Variants in RAD9B observed in about 807,000 individuals in gnomAD.
RAD9B encodes the protein cell cycle checkpoint control protein RAD9B.
A neutral mutation model predicts 48.3 loss-of-function variants in RAD9B; 41 were observed. The ratio of observed to expected loss-of-function variants is 0.85; its 90% CI spans 0.66 to 1.10. RAD9B has a LOEUF of 1.10. Ranked by LOEUF, RAD9B falls within the 50% of genes least tolerant of loss-of-function variation. The probability of loss-of-function intolerance (pLI) is 0.00; values close to 1 mark genes in which losing one functional copy is unlikely to be tolerated. For missense variants in RAD9B, 444 were observed against 485.1 expected (o/e 0.92, Z 0.80); for synonymous variants, 160 against 157.9 (o/e 1.01, Z -0.10).
At chr12:110,528,943 G>C (rs2064033809) in intron 10 of RAD9B, among the ~76,000 whole-genome samples, 1 of 152,108 alleles carries the variant, frequency 6.6e-6, no homozygotes. Flanking sequence ...GCTCAGGCTG[G>C]TCTCGAACTC....
chr12:110,530,917 C>A lies in RAD9B; in HGVS notation c.*264C>A. On this transcript the variant is annotated 3_prime_UTR_variant, in exon 11 of 11. Coordinates refer to ENST00000409300, the MANE Select transcript of RAD9B (RefSeq NM_001286535.2). ...AGGAAAAAAGCCCATTAGAGTTCTT[C>A]AATTCAATGCACGTTCACCCTAGAG... is the stretch of plus-strand genomic sequence containing the variant. The A allele has an allele frequency of 1.7e-6, 2 of 1,184,366 alleles. No homozygotes were observed. The highest frequency in any genetic ancestry group is 2.1e-6 in the Non-Finnish European group (2 of 952,074). The allele number at this position is 1,184,366 out of a possible 1,614,324, so 73.4% of individuals were successfully genotyped here. A position where few individuals can be genotyped will look rare whatever the true frequency, so the allele number is the denominator to read the frequency against.
intron 10 of RAD9B, among the ~76,000 whole-genome samples, chr12:110,525,538 A>G (rs2063910334): frequency 6.6e-6 from 1 of 152,184 alleles, no homozygotes; most frequent in East Asian, 1.9e-4. Context: ...TCAACAGAGT[A>G]ATAATGTTGG....
Position 110,503,802 on chromosome 12 carries a change from A to G in RAD9B, c.47-4A>G, listed in dbSNP as rs769562741. 10 of 1,604,258 alleles carry G rather than the reference A, an allele frequency of 6.2e-6. No individual in the cohort carries two copies. The highest frequency in any genetic ancestry group is 8.5e-6 in the Non-Finnish European group (10 of 1,173,828). ...ATAAGCATCACCTTTCTTTTTCTCC[A>G]TAGTATTTGGGAAAGCAGTTCAAGC... is the stretch of plus-strand genomic sequence containing the variant. On this transcript the variant is annotated splice_region_variant and splice_polypyrimidine_tract_variant and intron_variant, in intron 1 of 10. Transcript: ENST00000409300.
intron 10 of RAD9B, among the ~76,000 whole-genome samples, chr12:110,526,664 CTT>C (rs1372188463): frequency 6.6e-6 from 1 of 151,880 alleles, no homozygotes; most frequent in African/African-American, 2.4e-5. Context: ...AATCCCAGCA[CTT>C]TGGGAGACCG....
At position 110,505,750 on chromosome 12, in the gene RAD9B, T is replaced by G; in HGVS notation, c.251T>G (p.Leu84Ter). 6.2e-7 allele frequency: 1 copy of G among 1,612,184 alleles called. No individual in the cohort carries two copies. Among genetic ancestry groups the G allele is most frequent in the Non-Finnish European group, 8.5e-7 (1 of 1,179,168 alleles). ...SENELDTTLHLKCKLGMKSIL... is the reference protein window; with the variant it reads ...SENELDTTLH ...AATGAACTTGACACAACACTGCATT[T>G]AAAATGCAAATTGGGAATGAAGGTA... Residue 84 changes from leucine to a stop codon, truncating the protein, a stop_gained, in exon 3 of 11, where the codon TTA becomes TGA. Coordinates refer to ENST00000409300, the MANE Select transcript of RAD9B (RefSeq NM_001286535.2). LOFTEE classifies it high-confidence loss of function.
At chr12:110,506,518 T>C in intron 3 of RAD9B, 61 bp from the exon 4 acceptor site, 1 of 890,470 alleles carries the variant, frequency 1.1e-6, no homozygotes, top group East Asian at 2.5e-5. Flanking sequence ...GCATATACTT[T>C]TGTTTCTAAA....
intron 2 of RAD9B, 86 bp downstream of exon 2, chr12:110,503,962 T>C (rs2063182774): frequency 2.7e-6 from 2 of 738,794 alleles, no homozygotes; most frequent in Non-Finnish European, 4.3e-6. Context: ...AACTAGGAAA[T>C]CCAGAAATTG....
At chr12:110,507,493 AATATAT>A (rs2063326605) in intron 4 of RAD9B, among the ~76,000 whole-genome samples, 9 of 9,972 alleles carry the variant, frequency 9.0e-4, no homozygotes, top group Admixed American at 2.4e-3. Context: ...TATAATACAT[AATATAT>A]GTATTAAATA....
chr12:110,512,687 ATTACT>A, intron 4 of RAD9B, 87 bp from the exon 5 acceptor site: 1 of 622,628 alleles, frequency 1.6e-6, no homozygotes, highest in Non-Finnish European at 2.8e-6. Context: ...ATGTTACTTT[ATTACT>A]TTAATTTGGC....
intron 10 of RAD9B, among the ~76,000 whole-genome samples, chr12:110,530,209 ATTT>A (rs531997625): frequency 6.6e-6 from 1 of 150,774 alleles, no homozygotes; most frequent in African/African-American, 2.4e-5. Flanking sequence ...CACCCAGCTA[ATTT>A]TTTTTTGTAT....
intron 10 of RAD9B, among the ~76,000 whole-genome samples, chr12:110,526,782 G>A (rs949646391): frequency 7.2e-5 from 11 of 151,842 alleles, no homozygotes; most frequent in East Asian, 1.9e-4. Context: ...GGTGGCGGGC[G>A]CCTGTAGTCC....
intron 6 of RAD9B, among the ~76,000 whole-genome samples, chr12:110,515,476 C>G (rs2063578708): frequency 6.6e-6 from 1 of 152,074 alleles, no homozygotes. Flanking sequence ...GCCTGGCCAA[C>G]ATGGCGAAAA....
intron 10 of RAD9B, among the ~76,000 whole-genome samples, chr12:110,528,431 C>T (rs530180666): frequency 2.4e-4 from 36 of 152,298 alleles, no homozygotes; most frequent in Non-Finnish European, 4.1e-4. Context: ...TTGCATGTAG[C>T]GGGTAAAGAC....
chr12:110,528,948 G>C (rs1036972975), intron 10 of RAD9B, among the ~76,000 whole-genome samples: 1 of 152,022 alleles, frequency 6.6e-6, no homozygotes, highest in African/African-American at 2.4e-5. Context: ...GGCTGGTCTC[G>C]AACTCCTGAG....
At position 110,530,577 on chromosome 12, in the gene RAD9B, A is replaced by C. The variant is rs753814478; in HGVS notation, c.1178A>C (p.Asn393Thr). 2.1e-5 allele frequency: 34 copies of C among 1,613,888 alleles called. No individual in the cohort carries two copies. The highest frequency in any genetic ancestry group is 1.7e-4 in the Admixed American group (10 of 60,008). ...AVSSDQQEHFNHPFDSLARAS... is the reference protein window; with the variant it reads ...AVSSDQQEHFTHPFDSLARAS... ...TCTTCTGACCAGCAAGAACACTTCA[A>C]CCACCCTTTCGACAGTCTGGCAAGA... Residue 393 changes from asparagine (N) to threonine (T), a missense_variant, in exon 11 of 11, where the codon AAC becomes ACC. Transcript: ENST00000409300.
intron 6 of RAD9B, among the ~76,000 whole-genome samples, chr12:110,516,181 T>C (rs1394289782): frequency 1.3e-5 from 2 of 152,000 alleles, no homozygotes; most frequent in East Asian, 3.9e-4. Flanking sequence ...GAGCCATGAT[T>C]GTGCCACTGC....
chr12:110,508,700 A>T (rs2063366349), intron 4 of RAD9B, among the ~76,000 whole-genome samples: 1 of 151,896 alleles, frequency 6.6e-6, no homozygotes, highest in Admixed American at 6.6e-5. Context: ...GGGCTCAAGC[A>T]ATTCTCCTGC....
At chr12:110,521,599 C>T (rs985711932) in intron 9 of RAD9B, among the ~76,000 whole-genome samples, 2 of 149,570 alleles carry the variant, frequency 1.3e-5, no homozygotes, top group East Asian at 1.9e-4. Flanking sequence ...CTTTGTCACC[C>T]GGGCTGGAGT....
chr12:110,527,252 G>A (rs565894876), intron 10 of RAD9B, among the ~76,000 whole-genome samples: 1 of 152,288 alleles, frequency 6.6e-6, no homozygotes, highest in Non-Finnish European at 1.5e-5. Context: ...CTGACCTTAA[G>A]TCTTCTGTCT....
Sources: gnomAD v4.1 joint callset for allele counts (sites outside exome capture counted in the v4.1 genomes callset) on GRCh38, gnomAD v4.1.1 for gene constraint, MANE v1.5 for transcripts, NCBI Gene and HGNC (gene_info 2026-07-23, HGNC 2026-07-21) for gene names.